The following XIRP2 variants were observed in gnomAD, a reference collection of about 807,000 sequenced individuals.
XIRP2 encodes xin actin binding repeat containing 2.
XIRP2 carries 236 observed loss-of-function variants against 277.0 expected under a neutral mutation model. The ratio of observed to expected loss-of-function variants is 0.85; its 90% confidence interval spans 0.77 to 0.95. The LOEUF (loss-of-function observed/expected upper bound fraction) is 0.95, where lower values mean the gene tolerates loss of function less well. Ranked by LOEUF, XIRP2 falls within the 40% of genes least tolerant of loss-of-function variation. The pLI is 0.00. For missense variants in XIRP2, 4,640 were observed against 4,157.5 expected, an observed-to-expected ratio of 1.12 and a Z score of -3.19; for synonymous variants, 1,490 against 1,416.5, an observed-to-expected ratio of 1.05 and a Z score of -1.17.
At chr2:167,017,231 AT>A (rs1195044943) in intron 2 of XIRP2, among the ~76,000 whole-genome samples, 1 of 151,966 alleles carries the variant, frequency 6.6e-6, no homozygotes, top group Non-Finnish European at 1.5e-5. Context: ...ACTGGTACTA[AT>A]CTCCCACTTC....
At chr2:167,055,890 A>G (rs1427684567) in intron 2 of XIRP2, among the ~76,000 whole-genome samples, 1 of 152,188 alleles carries the variant, frequency 6.6e-6, no homozygotes, top group Non-Finnish European at 1.5e-5. Context: ...CCTAGGATTC[A>G]ATGTTATATA....
intron 2 of XIRP2, among the ~76,000 whole-genome samples, chr2:166,920,073 C>T (rs982209842): frequency 6.6e-6 from 1 of 152,096 alleles, no homozygotes; most frequent in Non-Finnish European, 1.5e-5. Flanking sequence ...TGCTAACATT[C>T]GTCTGCCCTC....
intron 2 of XIRP2, among the ~76,000 whole-genome samples, chr2:167,114,341 G>T (rs1398387019): frequency 6.6e-6 from 1 of 151,814 alleles, no homozygotes; most frequent in African/African-American, 2.4e-5. Flanking sequence ...ATTTATTTTT[G>T]TCTGACTTGA....
At chr2:167,194,652 A>C (rs915161951) in intron 3 of XIRP2, among the ~76,000 whole-genome samples, 2 of 152,104 alleles carry the variant, frequency 1.3e-5, no homozygotes, top group Admixed American at 1.3e-4. Context: ...AAACACTGTC[A>C]GGTTAACTCT....
intron 2 of XIRP2, among the ~76,000 whole-genome samples, chr2:166,920,429 A>G (rs189142354): frequency 6.6e-6 from 1 of 152,250 alleles, no homozygotes; most frequent in East Asian, 1.9e-4. Flanking sequence ...TGTTTCTGAT[A>G]TAAATGGATC....
At chr2:167,257,793 T>C in intron 10 of XIRP2, 64 bp from the exon 11 acceptor site, 6 of 1,476,586 alleles carry the variant, frequency 4.1e-6, no homozygotes, top group Non-Finnish European at 5.4e-6. Flanking sequence ...AAATAATTAA[T>C]CCCCAATTCC....
rs538114357 is a variant in XIRP2, at chr2:167,193,705, C to G, written c.563-17030C>G. Among the ~76,000 whole-genome samples, 4 of 151,946 alleles carry G rather than the reference C, an allele frequency of 2.6e-5. No individual in the cohort carries two copies. The South Asian group carries it at 8.3e-4, about 32-fold the overall frequency. ...CCAGCCTAGCTAACATGGGGAAACCCCATCTCTACTAAAAATACAAAAATT... is the reference window on the plus strand; with the variant it reads ...CCAGCCTAGCTAACATGGGGAAACCGCATCTCTACTAAAAATACAAAAATT... On this transcript the variant is annotated intron_variant, in intron 3 of 10. Transcript: ENST00000409195.
At chr2:166,917,308 T>C (rs1240910167) in intron 2 of XIRP2, among the ~76,000 whole-genome samples, 2 of 152,172 alleles carry the variant, frequency 1.3e-5, no homozygotes, top group East Asian at 3.9e-4. Flanking sequence ...TTTTCAAAGC[T>C]TTATTAAAAC....
intron 2 of XIRP2, among the ~76,000 whole-genome samples, chr2:166,937,659 C>T (rs192453410): frequency 1.4e-4 from 22 of 152,266 alleles, no homozygotes; most frequent in Non-Finnish European, 2.4e-4. Flanking sequence ...GGAATAGTTT[C>T]AGAAGGAATC....
intron 2 of XIRP2, among the ~76,000 whole-genome samples, chr2:167,118,671 A>T (rs2105302176): frequency 6.6e-6 from 1 of 152,200 alleles, no homozygotes; most frequent in African/African-American, 2.4e-5. Context: ...TCATCAGATA[A>T]TGCACCTGCT....
chr2:167,039,111 A>G (rs920403109), intron 2 of XIRP2, among the ~76,000 whole-genome samples: 4 of 152,154 alleles, frequency 2.6e-5, no homozygotes, highest in African/African-American at 9.7e-5. Flanking sequence ...TCCAATTTAG[A>G]AGATATATAC....
intron 2 of XIRP2, among the ~76,000 whole-genome samples, chr2:166,966,193 A>G (rs1686427881): frequency 6.6e-6 from 1 of 151,836 alleles, no homozygotes; most frequent in South Asian, 2.1e-4. Flanking sequence ...ATAGTTGTCA[A>G]TATTAACACT....
chr2:166,894,852 G>T (rs1052898322), intron 1 of XIRP2, among the ~76,000 whole-genome samples: 2 of 152,172 alleles, frequency 1.3e-5, no homozygotes, highest in South Asian at 4.1e-4. Flanking sequence ...AATGTGAACA[G>T]AGAAGAACAT....
chr2:167,085,765 C>T (rs1394863471), intron 2 of XIRP2, among the ~76,000 whole-genome samples: 1 of 152,064 alleles, frequency 6.6e-6, no homozygotes, highest in East Asian at 1.9e-4. Context: ...AGGATTGCAA[C>T]CCCTGCCTTT....
At chr2:167,152,718 C>G (rs1692052329) in intron 3 of XIRP2, among the ~76,000 whole-genome samples, 2 of 151,992 alleles carry the variant, frequency 1.3e-5, no homozygotes. Context: ...ACAAAAACCT[C>G]AATGCTAGAC....
intron 2 of XIRP2, among the ~76,000 whole-genome samples, chr2:167,022,872 G>A (rs1255519605): frequency 1.3e-5 from 2 of 152,118 alleles, no homozygotes; most frequent in Non-Finnish European, 2.9e-5. Flanking sequence ...CATTTGGGTT[G>A]GTTCCAAGTC....
chr2:167,064,834 T>C (rs1401074864), intron 2 of XIRP2, among the ~76,000 whole-genome samples: 2 of 151,896 alleles, frequency 1.3e-5, no homozygotes, highest in African/African-American at 4.8e-5. Context: ...GTCAGAAGTT[T>C]TTCCTTTTTT....
At chr2:167,052,372 C>T (rs982395271) in intron 2 of XIRP2, among the ~76,000 whole-genome samples, 5 of 151,912 alleles carry the variant, frequency 3.3e-5, no homozygotes, top group Admixed American at 1.3e-4. Context: ...TCTCGTTTTT[C>T]GTGTTTCATT....
chr2:167,220,591 G>T (rs1257638548), intron 5 of XIRP2, among the ~76,000 whole-genome samples: 1 of 152,098 alleles, frequency 6.6e-6, no homozygotes, highest in Non-Finnish European at 1.5e-5. Context: ...TCTCATCCAA[G>T]TTTCCCCCAG....
Sources: allele counts gnomAD v4.1 joint callset (sites outside exome capture counted in the v4.1 genomes callset), GRCh38; gene constraint gnomAD v4.1.1; transcripts MANE v1.5; gene names NCBI Gene and HGNC (gene_info 2026-07-23, HGNC 2026-07-21).